The following HECTD2 variants were observed in gnomAD, a reference collection of about 807,000 sequenced individuals.
HECTD2 encodes the protein HECT domain E3 ubiquitin protein ligase 2.
HECTD2 carries 35 observed loss-of-function variants against 103.2 expected under a neutral mutation model. The observed-to-expected ratio is 0.34, with a 90% confidence interval of 0.26 to 0.45. The LOEUF is 0.45. HECTD2 is among the 20% of genes least tolerant of loss of function. The pLI is 1.00. For missense variants in HECTD2, 596 were observed against 937.4 expected (o/e 0.64, Z 4.76); for synonymous variants, 281 against 329.9 (o/e 0.85, Z 1.61).
At chr10:91,439,832 C>A (rs772679052) in intron 2 of HECTD2, among the ~76,000 whole-genome samples, 1 of 151,950 alleles carries the variant, frequency 6.6e-6, no homozygotes, top group Non-Finnish European at 1.5e-5. Context: ...GTATTTTATT[C>A]TCTTTGTAGC....
At chr10:91,471,411 A>C (rs1248678102) in intron 5 of HECTD2, among the ~76,000 whole-genome samples, 2 of 152,204 alleles carry the variant, frequency 1.3e-5, no homozygotes, top group Admixed American at 6.5e-5. Flanking sequence ...CAACAGCACA[A>C]GACAAGGATG....
chr10:91,474,926 G>C (rs1168986155), intron 5 of HECTD2, among the ~76,000 whole-genome samples: 1 of 152,182 alleles, frequency 6.6e-6, no homozygotes, highest in African/African-American at 2.4e-5. Context: ...AGATCTGTGA[G>C]AGCAGCGCAC....
chr10:91,482,915 C>G (rs1312401035), intron 7 of HECTD2, 52 bp from the exon 8 acceptor site: 1 of 806,624 alleles, frequency 1.2e-6, no homozygotes, highest in African/African-American at 1.8e-5. Context: ...AGTGTCTTTC[C>G]TTTTACGTGT....
In HECTD2 at chr10:91,461,368, T is replaced by A; in HGVS notation, c.510+12T>A. 8.3e-7 allele frequency: 1 copy of A among 1,200,118 alleles called. No homozygotes were observed. Among genetic ancestry groups the A allele is most frequent in the Non-Finnish European group, 1.2e-6 (1 of 847,656 alleles). 74.3% of individuals were successfully genotyped at this position (1,200,118 alleles called of 1,614,324 possible). A position where few individuals can be genotyped will look rare whatever the true frequency, so the allele number is the denominator to read the frequency against. On this transcript the variant is annotated intron_variant, in intron 4 of 20. Transcript: ENST00000298068. ...ATGCTGCATTTAAGGTAATTATACA[T>A]AAAACACACTTTTCATTTCACTTTT...
At chr10:91,479,175 A>G (rs199718349) in intron 6 of HECTD2, among the ~76,000 whole-genome samples, 3 of 152,178 alleles carry the variant, frequency 2.0e-5, no homozygotes, top group East Asian at 3.9e-4. Context: ...AGATCATGCC[A>G]CTGCACTCCA....
chr10:91,470,472 T>C (rs1005837569), intron 5 of HECTD2, among the ~76,000 whole-genome samples: 1 of 152,090 alleles, frequency 6.6e-6, no homozygotes, highest in Admixed American at 6.6e-5. Flanking sequence ...GCAGTGAAAT[T>C]AAAGCAGAAA....
intron 19 of HECTD2, 80 bp from the exon 20 acceptor site, chr10:91,501,111 C>T: frequency 8.0e-7 from 1 of 1,255,920 alleles, no homozygotes; most frequent in Non-Finnish European, 1.1e-6. Context: ...AAAGTCCTTT[C>T]CTTAGAGCTT....
At chr10:91,465,883 A>G (rs947381408) in intron 5 of HECTD2, among the ~76,000 whole-genome samples, 2 of 152,056 alleles carry the variant, frequency 1.3e-5, no homozygotes, top group Non-Finnish European at 2.9e-5. Context: ...AGAGGTATTG[A>G]TCTATACTTT....
intron 5 of HECTD2, among the ~76,000 whole-genome samples, chr10:91,475,878 A>G (rs1845881587): frequency 6.6e-6 from 1 of 152,176 alleles, no homozygotes; most frequent in South Asian, 2.1e-4. Context: ...CACTCTAGGG[A>G]CACAGCCGAC....
chr10:91,457,279 G>A (rs368633163), intron 2 of HECTD2, among the ~76,000 whole-genome samples: 2 of 151,824 alleles, frequency 1.3e-5, no homozygotes, highest in African/African-American at 2.4e-5. Context: ...GAAAATAGAC[G>A]AAAAGGGAAC....
At chr10:91,451,792 T>C (rs1316688638) in intron 2 of HECTD2, among the ~76,000 whole-genome samples, 1 of 152,082 alleles carries the variant, frequency 6.6e-6, no homozygotes, top group African/African-American at 2.4e-5. Flanking sequence ...GGAGGGTAGG[T>C]AAAGAAGGAA....
chr10:91,479,187 C>T (rs1846006358), intron 6 of HECTD2, among the ~76,000 whole-genome samples: 1 of 152,108 alleles, frequency 6.6e-6, no homozygotes, highest in African/African-American at 2.4e-5. Context: ...TGCACTCCAG[C>T]CTGTTGAGCT....
At chr10:91,422,320 CA>C (rs1843391461) in intron 1 of HECTD2, among the ~76,000 whole-genome samples, 1 of 151,986 alleles carries the variant, frequency 6.6e-6, no homozygotes, top group African/African-American at 2.4e-5. Context: ...TGACAGTTGT[CA>C]ATGAAAAAAT....
At chr10:91,489,312 T>C (rs1253736858) in intron 11 of HECTD2, 1 of 152,178 alleles carries the variant, frequency 6.6e-6, no homozygotes, top group Non-Finnish European at 1.5e-5. Flanking sequence ...TTTTATCTCA[T>C]AAATTGCCAT....
At chr10:91,509,338 A>G (rs904253125) in intron 20 of HECTD2, among the ~76,000 whole-genome samples, 1 of 152,186 alleles carries the variant, frequency 6.6e-6, no homozygotes, top group African/African-American at 2.4e-5. Flanking sequence ...TGCAGAGAAA[A>G]GAGAATGCTT....
At chr10:91,412,854 G>C (rs888592182) in intron 1 of HECTD2, among the ~76,000 whole-genome samples, 1 of 152,024 alleles carries the variant, frequency 6.6e-6, no homozygotes, top group African/African-American at 2.4e-5. Context: ...GGAAGGCCTT[G>C]GTATGTGTGG....
At chr10:91,452,152 A>G (rs1447282821) in intron 2 of HECTD2, among the ~76,000 whole-genome samples, 1 of 152,100 alleles carries the variant, frequency 6.6e-6, no homozygotes, top group Admixed American at 6.6e-5. Flanking sequence ...ATACTATAAC[A>G]AAAGGTGTTA....
intron 14 of HECTD2, among the ~76,000 whole-genome samples, chr10:91,494,185 G>A (rs1846579534): frequency 6.6e-6 from 1 of 151,500 alleles, no homozygotes; most frequent in Non-Finnish European, 1.5e-5. Context: ...AAGCACTGGA[G>A]ATAAGAAAGT....
chr10:91,512,204 A>G, intron 20 of HECTD2, 60 bp from the exon 21 acceptor site: 1 of 1,565,314 alleles, frequency 6.4e-7, no homozygotes, highest in Non-Finnish European at 8.7e-7. Context: ...TTAAAGTTGC[A>G]TAGCAGTCAT....
Sources: gnomAD v4.1 joint callset for allele counts (sites outside exome capture counted in the v4.1 genomes callset) on GRCh38, gnomAD v4.1.1 for gene constraint, MANE v1.5 for transcripts, NCBI Gene and HGNC (gene_info 2026-07-23, HGNC 2026-07-21) for gene names.